Variants in JAZF1 observed in about 807,000 individuals in gnomAD.
JAZF1 encodes the protein juxtaposed with another zinc finger protein 1.
Under a neutral mutation model 26.4 loss-of-function variants are expected in JAZF1, and 8 were observed. The ratio of observed to expected loss-of-function variants is 0.30; its 90% CI spans 0.18 to 0.55. JAZF1 has a LOEUF of 0.55. JAZF1 is among the 20% of genes least tolerant of loss of function. The probability of loss-of-function intolerance (pLI) is 0.94; values close to 1 mark genes in which losing one functional copy is unlikely to be tolerated. For synonymous variants in JAZF1, 126 were observed against 122.3 expected (o/e 1.03, Z -0.20); for missense variants, 199 against 322.0 (o/e 0.62, Z 2.92).
intron 1 of JAZF1, among the ~76,000 whole-genome samples, chr7:28,158,679 C>T (rs531780604): frequency 1.3e-4 from 20 of 152,120 alleles, no homozygotes; most frequent in Admixed American, 2.6e-4. Context: ...GGCTAAGATG[C>T]GGGTCTCATA....
At position 28,144,341 on chromosome 7, in the gene JAZF1, A is replaced by G. The variant is rs545186738; in HGVS notation, c.115+36122T>C. On this transcript the variant is annotated intron_variant, in intron 1 of 4. Coordinates refer to ENST00000283928, the MANE Select transcript of JAZF1 (RefSeq NM_175061.4). ...ATGAGACCCACAAAGCTTTGCACAT[A>G]TTCTCAGCACACTGCATCGAAAGAG... is the stretch of plus-strand genomic sequence containing the variant. Among the ~76,000 whole-genome samples, 27 of 152,262 alleles carry G rather than the reference A, an allele frequency of 1.8e-4. 1 individual carries two copies. Among genetic ancestry groups the G allele is most frequent in the Admixed American group, 8.5e-4 (13 of 15,290 alleles).
intron 2 of JAZF1, among the ~76,000 whole-genome samples, chr7:27,989,083 A>T (rs2128364647): frequency 6.6e-6 from 1 of 152,288 alleles, no homozygotes; most frequent in East Asian, 1.9e-4. Flanking sequence ...ACTGGTACCA[A>T]AACAGAGATG....
At chr7:28,040,486 T>C (rs1257543213) in intron 1 of JAZF1, among the ~76,000 whole-genome samples, 4 of 152,096 alleles carry the variant, frequency 2.6e-5, no homozygotes, top group Non-Finnish European at 5.9e-5. Flanking sequence ...TTATGTCAAG[T>C]CCTAAATGAT....
At chr7:27,999,525 C>T (rs1010088085) in intron 1 of JAZF1, among the ~76,000 whole-genome samples, 1 of 152,184 alleles carries the variant, frequency 6.6e-6, no homozygotes, top group African/African-American at 2.4e-5. Flanking sequence ...GGAAACCTTT[C>T]CCTCCTTCTG....
chr7:28,140,479 A>G (rs1302920586), intron 1 of JAZF1, among the ~76,000 whole-genome samples: 1 of 152,184 alleles, frequency 6.6e-6, no homozygotes, highest in African/African-American at 2.4e-5. Context: ...AATACTCACT[A>G]CAGTATTTTT....
intron 2 of JAZF1, among the ~76,000 whole-genome samples, chr7:27,905,792 T>G (rs529797325): frequency 6.6e-6 from 1 of 152,224 alleles, no homozygotes; most frequent in East Asian, 1.9e-4. Context: ...GAGCATAATC[T>G]TGGAATAAAT....
chr7:28,085,137 C>G (rs1055194761), intron 1 of JAZF1, among the ~76,000 whole-genome samples: 1 of 152,172 alleles, frequency 6.6e-6, no homozygotes, highest in African/African-American at 2.4e-5. Context: ...CATTGTCTTG[C>G]CAAGGTGGCT....
chr7:27,973,973 C>G (rs746731121), intron 2 of JAZF1, among the ~76,000 whole-genome samples: 28 of 152,034 alleles, frequency 1.8e-4, no homozygotes, highest in Admixed American at 4.6e-4. Context: ...GATGAGGATG[C>G]AAAGGTAATA....
intron 3 of JAZF1, among the ~76,000 whole-genome samples, chr7:27,855,756 G>A (rs1015516690): frequency 6.6e-6 from 1 of 152,084 alleles, no homozygotes; most frequent in Admixed American, 6.6e-5. Context: ...AGGACCAGAT[G>A]GATTCACAGC....
intron 2 of JAZF1, among the ~76,000 whole-genome samples, chr7:27,975,861 T>C (rs1785459976): frequency 6.6e-6 from 1 of 152,000 alleles, no homozygotes; most frequent in Non-Finnish European, 1.5e-5. Context: ...AAACATAGAG[T>C]GTCCTAAGAA....
At chr7:27,920,042 T>C (rs1784503415) in intron 2 of JAZF1, among the ~76,000 whole-genome samples, 1 of 152,148 alleles carries the variant, frequency 6.6e-6, no homozygotes, top group African/African-American at 2.4e-5. Context: ...GCCTTTGGTG[T>C]TTGAGGAACC....
intron 1 of JAZF1, among the ~76,000 whole-genome samples, chr7:27,992,677 AC>A (rs1785927859): frequency 6.6e-6 from 1 of 152,198 alleles, no homozygotes; most frequent in South Asian, 2.1e-4. Context: ...GTATTCTCAA[AC>A]TTCTCACATA....
intron 4 of JAZF1, among the ~76,000 whole-genome samples, chr7:27,838,229 G>C (rs745677683): frequency 1.3e-5 from 2 of 152,166 alleles, no homozygotes; most frequent in Admixed American, 1.3e-4. Flanking sequence ...TCTTTTGTTA[G>C]AGAGAATCTG....
Position 28,044,091 on chromosome 7 carries a change from A to T in JAZF1, c.116-52110T>A, listed in dbSNP as rs569735084. 8.5e-5 allele frequency among the ~76,000 whole-genome samples: 13 copies of T among 152,322 alleles called. No individual in the cohort carries two copies. The South Asian group carries it at 2.5e-3, about 29-fold the overall frequency. ...GGTTGTACATTACTGTAAATGTACT[A>T]AAAACCATTAAATGGTACCCTTTAA... On this transcript the variant is annotated intron_variant, in intron 1 of 4. Coordinates refer to ENST00000283928, the MANE Select transcript of JAZF1 (RefSeq NM_175061.4).
chr7:28,080,032 TATCTTA>T (rs1784111083), intron 1 of JAZF1, among the ~76,000 whole-genome samples: 1 of 152,224 alleles, frequency 6.6e-6, no homozygotes. Flanking sequence ...AAAAAGTATA[TATCTTA>T]ATTTTAAAAT....
intron 1 of JAZF1, chr7:28,118,165 G>A (rs746591490): frequency 2.6e-5 from 4 of 152,204 alleles, no homozygotes; most frequent in Non-Finnish European, 5.9e-5. Flanking sequence ...TAAGGGCCAT[G>A]CTAATCTTCT....
At chr7:28,155,851 T>C (rs1292704632) in intron 1 of JAZF1, among the ~76,000 whole-genome samples, 2 of 152,236 alleles carry the variant, frequency 1.3e-5, no homozygotes, top group Non-Finnish European at 2.9e-5. Flanking sequence ...ACCCTGCTTC[T>C]TCCTGGGAAG....
At chr7:28,156,831 AC>A (rs1258552145) in intron 1 of JAZF1, among the ~76,000 whole-genome samples, 3 of 152,216 alleles carry the variant, frequency 2.0e-5, no homozygotes, top group Admixed American at 6.5e-5. Context: ...TAGAACTAGA[AC>A]ACTACCAAGC....
intron 2 of JAZF1, among the ~76,000 whole-genome samples, chr7:27,963,191 G>T (rs184176784): frequency 6.6e-6 from 1 of 152,264 alleles, no homozygotes; most frequent in East Asian, 1.9e-4. Flanking sequence ...GTTACAATTT[G>T]GCATACAGCA....
Sources: gnomAD v4.1 joint callset for allele counts (sites outside exome capture counted in the v4.1 genomes callset) on GRCh38, gnomAD v4.1.1 for gene constraint, MANE v1.5 for transcripts, NCBI Gene and HGNC (gene_info 2026-07-23, HGNC 2026-07-21) for gene names.